The following AFF3 variants were observed in gnomAD, a reference collection of about 807,000 sequenced individuals.
AFF3 encodes ALF transcription elongation factor 3, also known as AF4/FMR2 family member 3.
In AFF3, 32 loss-of-function variants were observed where a neutral mutation model predicts 129.7. The ratio of observed to expected loss-of-function variants is 0.25; its 90% CI spans 0.19 to 0.33. The LOEUF is 0.33. AFF3 is among the 10% of genes least tolerant of loss of function. The pLI is 1.00. For synonymous variants in AFF3, 644 were observed against 635.4 expected (o/e 1.01, Z -0.20); for missense variants, 1,373 against 1,592.0 (o/e 0.86, Z 2.34).
At chr2:99,701,899 T>A (rs541655640) in intron 11 of AFF3, among the ~76,000 whole-genome samples, 1 of 152,260 alleles carries the variant, frequency 6.6e-6, no homozygotes, top group Non-Finnish European at 1.5e-5. Flanking sequence ...AAAGGTTACA[T>A]ACGTGGAATG....
intron 11 of AFF3, among the ~76,000 whole-genome samples, chr2:99,724,404 C>A (rs1679187738): frequency 6.6e-6 from 1 of 151,416 alleles, no homozygotes; most frequent in African/African-American, 2.4e-5. Context: ...TCCCCAGTAG[C>A]TGGGATTACA....
chr2:99,581,130 C>T (rs1378423658), intron 17 of AFF3, among the ~76,000 whole-genome samples: 1 of 152,194 alleles, frequency 6.6e-6, no homozygotes, highest in Non-Finnish European at 1.5e-5. Context: ...CTCTGGTGCT[C>T]AGCACAGTGC....
intron 4 of AFF3, among the ~76,000 whole-genome samples, chr2:100,052,398 A>C (rs1399573883): frequency 6.6e-6 from 1 of 152,132 alleles, no homozygotes; most frequent in African/African-American, 2.4e-5. Context: ...CACAACATGG[A>C]TTTAGGGAAG....
chr2:100,046,653 T>C (rs994826275), intron 4 of AFF3, among the ~76,000 whole-genome samples: 4 of 152,218 alleles, frequency 2.6e-5, no homozygotes, highest in African/African-American at 9.6e-5. Flanking sequence ...CCAATGTTAG[T>C]CAGATCAAGA....
intron 10 of AFF3, among the ~76,000 whole-genome samples, chr2:99,741,271 G>A (rs1230443781): frequency 6.6e-6 from 1 of 152,128 alleles, no homozygotes; most frequent in Non-Finnish European, 1.5e-5. Flanking sequence ...AAAAGAGGAA[G>A]TCAAATTGTC....
intron 2 of AFF3, among the ~76,000 whole-genome samples, chr2:100,118,633 T>G (rs1300726509): frequency 2.0e-5 from 3 of 152,136 alleles, no homozygotes; most frequent in African/African-American, 7.2e-5. Flanking sequence ...GATTTTTTTT[T>G]TCTGGTCGTT....
At chr2:99,749,916 C>A (rs1681490156) in intron 9 of AFF3, among the ~76,000 whole-genome samples, 3 of 152,154 alleles carry the variant, frequency 2.0e-5, no homozygotes. Context: ...TAGGGTATTT[C>A]AAACCAGTGA....
chr2:100,014,438 C>T (rs976085048), intron 4 of AFF3, among the ~76,000 whole-genome samples: 1 of 152,080 alleles, frequency 6.6e-6, no homozygotes, highest in Non-Finnish European at 1.5e-5. Context: ...TTTCTGAATA[C>T]CACTGTGTCA....
chr2:100,016,081 ATGG>A (rs1390340444), intron 4 of AFF3, among the ~76,000 whole-genome samples: 3 of 138,792 alleles, frequency 2.2e-5, no homozygotes, highest in Admixed American at 7.0e-5. Flanking sequence ...AGTGATGGTG[ATGG>A]TGGTGGTAGT....
At chr2:100,138,505 T>A in intron 1 of AFF3, among the ~76,000 whole-genome samples, 1 of 152,324 alleles carries the variant, frequency 6.6e-6, no homozygotes, top group East Asian at 1.9e-4. Context: ...ATAGCCTGAT[T>A]CAGTTTCTGT....
chr2:100,067,424 A>G (rs371789338), intron 4 of AFF3, among the ~76,000 whole-genome samples: 17 of 152,338 alleles, frequency 1.1e-4, no homozygotes, highest in African/African-American at 4.1e-4. Context: ...CTCAAAGTGC[A>G]TCTGAAGTAA....
chr2:99,614,455 T>C (rs1322091910), intron 13 of AFF3, among the ~76,000 whole-genome samples: 1 of 152,178 alleles, frequency 6.6e-6, no homozygotes, highest in Non-Finnish European at 1.5e-5. Flanking sequence ...GAGGCCCAAC[T>C]TCCAATTTAA....
chr2:99,982,727 A>G (rs968647252), intron 7 of AFF3, among the ~76,000 whole-genome samples: 5 of 152,244 alleles, frequency 3.3e-5, no homozygotes, highest in African/African-American at 4.8e-5. Flanking sequence ...ACATTTGTAG[A>G]AAACTTTAAA....
intron 7 of AFF3, among the ~76,000 whole-genome samples, chr2:99,967,746 T>A (rs971745909): frequency 6.6e-6 from 1 of 152,180 alleles, no homozygotes; most frequent in African/African-American, 2.4e-5. Flanking sequence ...CCCTCCACAT[T>A]TAATTAATTA....
At chr2:99,667,848 C>T (rs1686809194) in intron 12 of AFF3, among the ~76,000 whole-genome samples, 1 of 152,032 alleles carries the variant, frequency 6.6e-6, no homozygotes, top group East Asian at 1.9e-4. Flanking sequence ...ATCTGAGTAG[C>T]TCTATAACTA....
chr2:99,702,751 T>C (rs1409673056), intron 11 of AFF3, among the ~76,000 whole-genome samples: 3 of 152,258 alleles, frequency 2.0e-5, no homozygotes, highest in Non-Finnish European at 2.9e-5. Flanking sequence ...TCCATTGTTG[T>C]AACTGGATGG....
rs185009811 is a variant in AFF3 at position 99,900,620 on chromosome 2, C to T, written c.874-63096G>A. 7.9e-4 allele frequency among the ~76,000 whole-genome samples: 120 copies of T among 152,260 alleles called. 2 individuals are homozygous for T. In the East Asian group the frequency reaches 0.017, roughly 21 times the overall value. On this transcript the variant is annotated intron_variant, in intron 7 of 24. Transcript: ENST00000672756. ...GCAGCTAAAAGGGCTGTACCTCCTGCGGGCTGGTGCAGTGCCCAGCAGGAC... is the reference window on the plus strand; with the variant it reads ...GCAGCTAAAAGGGCTGTACCTCCTGTGGGCTGGTGCAGTGCCCAGCAGGAC...
rs768626700 is a variant in AFF3, at chr2:99,593,249, G to A, written c.2412C>T (p.His804=). The change falls in exon 15 of 25, where the codon CAC becomes CAT. Residue 804 remains histidine (H), a synonymous_variant. Transcript: ENST00000672756. ...TKDSESAPPS[H]TSDTPAEKAL... ...CCTTTTCTGCAGGTGTGTCCGAGGT[G>A]TGGCTGGGCGGTGCGCTCTCAGAGT... The A allele has an allele frequency of 3.1e-6, 5 of 1,610,870 alleles. No individual in the cohort carries two copies. Among genetic ancestry groups the A allele is most frequent in the African/African-American group, 2.7e-5 (2 of 74,776 alleles).
chr2:100,058,015 G>A (rs1279071483), intron 4 of AFF3, among the ~76,000 whole-genome samples: 1 of 152,136 alleles, frequency 6.6e-6, no homozygotes, highest in Non-Finnish European at 1.5e-5. Flanking sequence ...AACTTTCTGA[G>A]AAAAGGACTG....
Sources: gnomAD v4.1 joint callset for allele counts (sites outside exome capture counted in the v4.1 genomes callset) on GRCh38, gnomAD v4.1.1 for gene constraint, MANE v1.5 for transcripts, NCBI Gene and HGNC (gene_info 2026-07-23, HGNC 2026-07-21) for gene names.